Variants in CPPED1 observed in about 807,000 individuals in gnomAD.
The protein encoded by CPPED1 is serine/threonine-protein phosphatase CPPED1.
In CPPED1, 28 loss-of-function variants were observed where a neutral mutation model predicts 28.0. The observed-to-expected ratio is 1.00, with a 90% CI of 0.74 to 1.37. The LOEUF is 1.37. CPPED1 is among the 40% of genes most tolerant of loss of function. The pLI is 0.00. For missense variants in CPPED1, 504 were observed against 416.5 expected, an observed-to-expected ratio of 1.21 and a Z score of -1.83; for synonymous variants, 198 against 180.2, an observed-to-expected ratio of 1.10 and a Z score of -0.79.
At chr16:12,753,988 G>A (rs1258615281) in intron 2 of CPPED1, 2 of 152,294 alleles carry the variant, frequency 1.3e-5, no homozygotes, top group South Asian at 4.2e-4. Flanking sequence ...ATTGCATCAC[G>A]AGAAAGTCAG....
intron 2 of CPPED1, among the ~76,000 whole-genome samples, chr16:12,744,458 T>C (rs1025892085): frequency 6.6e-6 from 1 of 152,124 alleles, no homozygotes; most frequent in Non-Finnish European, 1.5e-5. Flanking sequence ...CCTGGAAGAA[T>C]TAAAAAACTG....
At chr16:12,763,585 T>C (rs778450575) in intron 2 of CPPED1, among the ~76,000 whole-genome samples, 10 of 152,228 alleles carry the variant, frequency 6.6e-5, no homozygotes, top group Non-Finnish European at 1.3e-4. Context: ...TTAAGTCTTA[T>C]GAGAAACCTA....
chr16:12,749,218 A>AT (rs2080311382), intron 2 of CPPED1, among the ~76,000 whole-genome samples: 3 of 152,224 alleles, frequency 2.0e-5, no homozygotes, highest in African/African-American at 7.2e-5. Context: ...GTCCTTCCAA[A>AT]TTGCAGTGAA....
At chr16:12,693,524 A>G (rs1007523766) in intron 3 of CPPED1, among the ~76,000 whole-genome samples, 16 of 152,058 alleles carry the variant, frequency 1.1e-4, no homozygotes, top group African/African-American at 3.9e-4. Context: ...TTTCAACTCA[A>G]TCAATTCATA....
intron 2 of CPPED1, among the ~76,000 whole-genome samples, chr16:12,779,702 T>C (rs1006872156): frequency 6.6e-6 from 1 of 151,996 alleles, no homozygotes; most frequent in Non-Finnish European, 1.5e-5. Flanking sequence ...TTATGGGTTT[T>C]GTTCTAGATA....
Position 12,733,330 on chromosome 16 carries a change from A to C in CPPED1, c.290-28281T>G, listed in dbSNP as rs192774502. ...TGTACTGTCACCCAGGCTGGAATGC[A>C]GTGGCACAATCTCGGCTCACTGCAA... is the stretch of plus-strand genomic sequence containing the variant. On this transcript the variant is annotated intron_variant, in intron 2 of 3. Coordinates refer to ENST00000381774, the MANE Select transcript of CPPED1 (RefSeq NM_018340.3). 7.5e-4 allele frequency among the ~76,000 whole-genome samples: 110 copies of C among 147,566 alleles called. 1 individual carries two copies. The East Asian group carries it at 0.017, about 23-fold the overall frequency.
chr16:12,800,071 C>T (rs1036626615), intron 1 of CPPED1, among the ~76,000 whole-genome samples: 1 of 152,182 alleles, frequency 6.6e-6, no homozygotes, highest in African/African-American at 2.4e-5. Flanking sequence ...AGCTACTATA[C>T]CTCAGCACTC....
intron 3 of CPPED1, among the ~76,000 whole-genome samples, chr16:12,703,147 C>G (rs2080029389): frequency 6.6e-6 from 1 of 152,204 alleles, no homozygotes; most frequent in Non-Finnish European, 1.5e-5. Context: ...CGCTTTGTTT[C>G]CTTGTCATCA....
At chr16:12,717,961 T>A (rs76962198) in intron 2 of CPPED1, among the ~76,000 whole-genome samples, 1 of 152,186 alleles carries the variant, frequency 6.6e-6, no homozygotes, top group South Asian at 2.1e-4. Flanking sequence ...ATTTTTCTTA[T>A]CAAATTTACC....
chr16:12,800,813 C>T (rs1439225334), intron 1 of CPPED1, among the ~76,000 whole-genome samples: 2 of 152,134 alleles, frequency 1.3e-5, no homozygotes, highest in African/African-American at 4.8e-5. Flanking sequence ...ACTTGCTCTG[C>T]CCATGGTCCA....
intron 2 of CPPED1, among the ~76,000 whole-genome samples, chr16:12,718,121 A>G (rs1410226263): frequency 6.6e-6 from 1 of 152,238 alleles, no homozygotes; most frequent in East Asian, 1.9e-4. Flanking sequence ...AGAGAGCTAC[A>G]GTTAGCTCCA....
intron 2 of CPPED1, among the ~76,000 whole-genome samples, chr16:12,758,752 A>G (rs2080388936): frequency 1.3e-5 from 2 of 152,172 alleles, no homozygotes; most frequent in African/African-American, 4.8e-5. Flanking sequence ...AAGTAGAAGG[A>G]ATTGCCACAA....
At chr16:12,778,990 TTA>T (rs779168688) in intron 2 of CPPED1, among the ~76,000 whole-genome samples, 3 of 152,224 alleles carry the variant, frequency 2.0e-5, no homozygotes, top group Non-Finnish European at 2.9e-5. Context: ...ATCTTTTAAT[TTA>T]TAGTGTTTAA....
chr16:12,759,056 A>G (rs551697211), intron 2 of CPPED1, among the ~76,000 whole-genome samples: 19 of 149,244 alleles, frequency 1.3e-4, no homozygotes, highest in Admixed American at 8.2e-4. Context: ...CCAGCTACTC[A>G]GGGGGCTAGG....
intron 2 of CPPED1, among the ~76,000 whole-genome samples, chr16:12,710,059 A>ATTCTTTCTT (rs1162550283): frequency 3.3e-5 from 5 of 152,176 alleles, no homozygotes; most frequent in African/African-American, 1.2e-4. Context: ...GAAAGAAAGA[A>ATTCTTTCTT]ATCAGTCAAT....
chr16:12,802,330 G>A (rs1167569949), intron 1 of CPPED1, among the ~76,000 whole-genome samples: 1 of 152,186 alleles, frequency 6.6e-6, no homozygotes, highest in African/African-American at 2.4e-5. Context: ...GGCCGGGCGC[G>A]GTGGCTCAGG....
At chr16:12,690,945 G>C (rs1416964885) in intron 3 of CPPED1, among the ~76,000 whole-genome samples, 1 of 152,196 alleles carries the variant, frequency 6.6e-6, no homozygotes, top group African/African-American at 2.4e-5. Context: ...GTGAAGAATG[G>C]GCAGGAGGGT....
intron 3 of CPPED1, among the ~76,000 whole-genome samples, chr16:12,672,800 G>A (rs1228380902): frequency 6.6e-6 from 1 of 152,126 alleles, no homozygotes; most frequent in East Asian, 1.9e-4. Flanking sequence ...GATCAGTTGA[G>A]GTCAGGAGTT....
chr16:12,667,160 T>C (rs2079830121), intron 3 of CPPED1, among the ~76,000 whole-genome samples: 1 of 152,112 alleles, frequency 6.6e-6, no homozygotes, highest in Non-Finnish European at 1.5e-5. Flanking sequence ...CTTACTCACA[T>C]TGACCCTGAA....
Sources: gnomAD v4.1 joint callset for allele counts (sites outside exome capture counted in the v4.1 genomes callset) on GRCh38, gnomAD v4.1.1 for gene constraint, MANE v1.5 for transcripts, NCBI Gene and HGNC (gene_info 2026-07-23, HGNC 2026-07-21) for gene names.